The following GOT2 variants were observed in gnomAD, a reference collection of about 807,000 sequenced individuals.
The protein encoded by GOT2 is glutamic-oxaloacetic transaminase 2.
A neutral mutation model predicts 50.0 loss-of-function variants in GOT2; 17 were observed. The ratio of observed to expected loss-of-function variants is 0.34; its 90% CI spans 0.23 to 0.51. GOT2 has a LOEUF of 0.51. Ranked by LOEUF, GOT2 falls within the 20% of genes least tolerant of loss-of-function variation. The probability of loss-of-function intolerance (pLI) is 0.97; values close to 1 mark genes in which losing one functional copy is unlikely to be tolerated. For missense variants in GOT2, 430 were observed against 559.6 expected (o/e 0.77, Z 2.34); for synonymous variants, 172 against 204.9 (o/e 0.84, Z 1.37).
At chr16:58,711,719 C>A (rs1172194454) in intron 8 of GOT2, among the ~76,000 whole-genome samples, 1 of 152,144 alleles carries the variant, frequency 6.6e-6, no homozygotes, top group African/African-American at 2.4e-5. Context: ...CTGGCCCCTC[C>A]AGTTATGGCA....
chr16:58,709,330 TAAAAAAG>T (rs2044627713), intron 9 of GOT2, 80 bp downstream of exon 9: 13 of 1,144,712 alleles, frequency 1.1e-5, no homozygotes, highest in Non-Finnish European at 1.2e-5. Flanking sequence ...AAACATTAAA[TAAAAAAG>T]AAAAAAGAAA....
intron 8 of GOT2, among the ~76,000 whole-genome samples, chr16:58,714,476 C>T (rs1353342361): frequency 1.3e-5 from 2 of 150,482 alleles, no homozygotes; most frequent in South Asian, 2.1e-4. Flanking sequence ...GGCGTGAACC[C>T]GGGAGGCGGA....
chr16:58,733,596 G>A (rs1406524843), intron 1 of GOT2, among the ~76,000 whole-genome samples: 15 of 152,172 alleles, frequency 9.9e-5, no homozygotes, highest in Non-Finnish European at 2.2e-4. Context: ...GGAGAATGCC[G>A]CACGCCAAGG....
chr16:58,717,912 A>G (rs1314070540), intron 6 of GOT2, among the ~76,000 whole-genome samples: 2 of 152,124 alleles, frequency 1.3e-5, no homozygotes, highest in African/African-American at 4.8e-5. Context: ...CTGGTCTCGA[A>G]CTGACCTCAG....
chr16:58,733,787 T>C (rs2044854485), intron 1 of GOT2: 1 of 220,080 alleles, frequency 4.5e-6, no homozygotes, highest in African/African-American at 2.3e-5. Context: ...AAGGGCACGG[T>C]CGTTACCCGG....
chr16:58,714,535 G>A (rs2152094302), intron 8 of GOT2, among the ~76,000 whole-genome samples: 1 of 149,440 alleles, frequency 6.7e-6, no homozygotes. Context: ...CTGGGCGACA[G>A]AGCGAGACTC....
chr16:58,709,579 C>T lies in GOT2; in HGVS notation c.1020-12G>A. The T allele has an allele frequency of 6.2e-7, 1 of 1,603,716 alleles. No individual in the cohort carries two copies. Among genetic ancestry groups the T allele is most frequent in the Non-Finnish European group, 8.5e-7 (1 of 1,171,286 alleles). The stretch of plus-strand genomic sequence containing the variant: ...TCACTTCTTGCAGCCTGTAAAGAAA[C>T]CCTGAGATGCAGCTCATTCTGCCTA... On this transcript the variant is annotated splice_polypyrimidine_tract_variant and intron_variant, in intron 8 of 9. Coordinates refer to ENST00000245206, the MANE Select transcript of GOT2 (RefSeq NM_002080.4).
At chr16:58,725,636 T>C (rs2044777705) in intron 1 of GOT2, among the ~76,000 whole-genome samples, 1 of 152,214 alleles carries the variant, frequency 6.6e-6, no homozygotes, top group African/African-American at 2.4e-5. Context: ...AGGTCTTTCT[T>C]TGTTGCCACT....
rs560899229 is a variant in GOT2, at chr16:58,734,282, G to A, written c.-54C>T. 2.0e-6 allele frequency: 2 copies of A among 980,342 alleles called. No individual in the cohort carries two copies. The highest frequency in any genetic ancestry group is 1.3e-6 in the Non-Finnish European group (1 of 740,826). The allele number at this position is 980,342 out of a possible 1,614,324, so 60.7% of individuals were successfully genotyped here. Reference sequence around the variant, plus strand: ...CGCAGGACGGAGCAGAGGGCGAGCGGACACACACACAGGGAACCGGCTCCT... The same window carrying A: ...CGCAGGACGGAGCAGAGGGCGAGCGAACACACACACAGGGAACCGGCTCCT... On this transcript the variant is annotated 5_prime_UTR_variant, in exon 1 of 10. Transcript: ENST00000245206.
chr16:58,729,011 G>A (rs1315467375), intron 1 of GOT2, among the ~76,000 whole-genome samples: 1 of 151,812 alleles, frequency 6.6e-6, no homozygotes, highest in African/African-American at 2.4e-5. Context: ...AATTACTACT[G>A]CATAGTTTTT....
chr16:58,731,141 C>G (rs1296863300), intron 1 of GOT2, among the ~76,000 whole-genome samples: 2 of 149,598 alleles, frequency 1.3e-5, no homozygotes, highest in Non-Finnish European at 3.0e-5. Flanking sequence ...CAGCTGTGAT[C>G]TTTTTTTTTT....
chr16:58,710,388 TTTC>T (rs573850571), intron 8 of GOT2, among the ~76,000 whole-genome samples: 369 of 151,332 alleles, frequency 2.4e-3, no homozygotes, highest in South Asian at 5.6e-3. Flanking sequence ...CCTTGCTAAT[TTTC>T]TTTTCTTTTT....
rs372273643 is a variant in GOT2 at position 58,734,294 on chromosome 16, G to C, written c.-66C>G. 48 of 865,876 alleles carry C rather than the reference G, an allele frequency of 5.5e-5. No homozygotes were observed. In the African/African-American group the frequency reaches 7.6e-4, roughly 14 times the overall value. 53.6% of individuals were successfully genotyped at this position (865,876 alleles called of 1,614,324 possible). ...CAGAGGGCGAGCGGACACACACACAGGGAACCGGCTCCTGCTGAAGGTAAG... is the reference window on the plus strand; with the variant it reads ...CAGAGGGCGAGCGGACACACACACACGGAACCGGCTCCTGCTGAAGGTAAG... On this transcript the variant is annotated 5_prime_UTR_variant, in exon 1 of 10. Transcript: ENST00000245206.
intron 1 of GOT2, among the ~76,000 whole-genome samples, chr16:58,727,410 A>G (rs2044796645): frequency 6.6e-6 from 1 of 151,502 alleles, no homozygotes; most frequent in Non-Finnish European, 1.5e-5. Flanking sequence ...CAATCAGTTT[A>G]GAGTGTAGAG....
intron 8 of GOT2, among the ~76,000 whole-genome samples, chr16:58,714,820 G>A (rs1199448076): frequency 1.3e-5 from 2 of 152,076 alleles, no homozygotes; most frequent in Admixed American, 6.5e-5. Flanking sequence ...TATATAATAT[G>A]TTCAAGGTCA....
chr16:58,714,864 A>G (rs2044679388), intron 8 of GOT2, among the ~76,000 whole-genome samples: 1 of 152,076 alleles, frequency 6.6e-6, no homozygotes, highest in African/African-American at 2.4e-5. Flanking sequence ...AATTTTATAG[A>G]TGGGGTTTCA....
intron 8 of GOT2, 79 bp from the exon 9 acceptor site, chr16:58,709,646 C>A (rs2044630766): frequency 4.0e-6 from 5 of 1,248,270 alleles, no homozygotes; most frequent in Non-Finnish European, 5.7e-6. Context: ...TTTTTACCTC[C>A]CTTGAGCAGT....
intron 3 of GOT2, among the ~76,000 whole-genome samples, chr16:58,720,735 C>T (rs562335381): frequency 1.3e-5 from 2 of 152,112 alleles, no homozygotes; most frequent in Admixed American, 6.6e-5. Flanking sequence ...TGCACCACCA[C>T]ACCTGGCTAA....
chr16:58,724,110 C>T (rs1206645196), intron 1 of GOT2, among the ~76,000 whole-genome samples: 4 of 151,974 alleles, frequency 2.6e-5, no homozygotes, highest in Non-Finnish European at 5.9e-5. Flanking sequence ...TGCATTACCA[C>T]GTCAGCTAAT....
Sources: allele counts gnomAD v4.1 joint callset (sites outside exome capture counted in the v4.1 genomes callset), GRCh38; gene constraint gnomAD v4.1.1; transcripts MANE v1.5; gene names NCBI Gene and HGNC (gene_info 2026-07-23, HGNC 2026-07-21).